Variants in SDR42E1 observed in about 807,000 individuals in gnomAD.
The protein encoded by SDR42E1 is short-chain dehydrogenase/reductase family 42E member 1.
A neutral mutation model predicts 2.6 loss-of-function variants in SDR42E1; 5 were observed. That is an observed-to-expected ratio of 1.94 (90% CI 1.01 to 4.08). SDR42E1 has a LOEUF of 4.08. Ranked by LOEUF, SDR42E1 falls within the 30% of genes most tolerant of loss-of-function variation. The pLI, the probability that SDR42E1 is intolerant of heterozygous loss-of-function variation, is 0.00. For missense variants in SDR42E1, 596 were observed against 478.6 expected, an observed-to-expected ratio of 1.25 and a Z score of -2.29; for synonymous variants, 231 against 188.3, an observed-to-expected ratio of 1.23 and a Z score of -1.86.
At chr16:82,009,597 A>T (rs4399528) in intron 1 of SDR42E1, among the ~76,000 whole-genome samples, 9,411 of 152,208 alleles carry the variant, frequency 0.062, 929 homozygotes, top group African/African-American at 0.21. Flanking sequence ...GAGTATACTT[A>T]CCCAATACCT....
rs1333158489 is a variant in SDR42E1 at position 81,997,076 on chromosome 16, A to C, written c.*2035T>G. 2.0e-5 allele frequency: 3 copies of C among 152,194 alleles called. No homozygotes were observed. The highest frequency in any genetic ancestry group is 2.9e-5 in the Non-Finnish European group (2 of 68,038). 9.4% of individuals were successfully genotyped at this position (152,194 alleles called of 1,614,324 possible). ...AAGCTCACAGTGGAGAACTTACCTC[A>C]GAGATTTGTGGGTGTGGCTTTTGTG... On this transcript the variant is annotated 3_prime_UTR_variant, in exon 3 of 3. Coordinates refer to ENST00000328945, the MANE Select transcript of SDR42E1 (RefSeq NM_145168.3).
In SDR42E1 at chr16:81,999,995, C is replaced by T. The variant is rs201424944; in HGVS notation, c.298G>A (p.Val100Ile). 9.5e-5 allele frequency: 153 copies of T among 1,614,078 alleles called. 1 individual carries two copies. Among genetic ancestry groups the T allele is most frequent in the East Asian group, 1.8e-4 (8 of 44,888 alleles). The change falls in exon 3 of 3, where the codon GTC becomes ATC. Residue 100 changes from valine (V) to isoleucine (I), a missense_variant. Physicochemically the swap from Val to Ile is conservative, Grantham distance 29. Coordinates refer to ENST00000328945, the MANE Select transcript of SDR42E1 (RefSeq NM_145168.3). Reference sequence around the variant, plus strand: ...TGGAGGATGTTGTCTGTGCCCCTGACGTTGACTTCTTTGATCAGGTTTCGA... The same window carrying T: ...TGGAGGATGTTGTCTGTGCCCCTGATGTTGACTTCTTTGATCAGGTTTCGA... Reference protein sequence around the residue: ...LNRNLIKEVNVRGTDNILQVC... With the variant: ...LNRNLIKEVNIRGTDNILQVC...
chr16:81,993,330 C>T lies in SDR42E1; in HGVS notation c.*5781G>A, dbSNP rs974190656. 1 of 152,122 alleles carries T rather than the reference C, an allele frequency of 6.6e-6. No homozygotes were observed. Among genetic ancestry groups the T allele is most frequent in the Non-Finnish European group, 1.5e-5 (1 of 68,054 alleles). 9.4% of individuals were successfully genotyped at this position (152,122 alleles called of 1,614,324 possible). Reference sequence around the variant, plus strand: ...CCTCCTTGTTGAAAGATAAGAAACACCTAGAGTGCAGATTACCAACCAACA... The same window carrying T: ...CCTCCTTGTTGAAAGATAAGAAACATCTAGAGTGCAGATTACCAACCAACA... On this transcript the variant is annotated 3_prime_UTR_variant, in exon 3 of 3. Transcript: ENST00000328945.
Position 82,004,193 on chromosome 16 carries a change from A to C in SDR42E1, c.-26-3309T>G, listed in dbSNP as rs915144042. ...TTGGTATAAACAAAGTGTGGTGGGA[A>C]ACCAAGGTGAGGGGTGGGGAGACTG... On this transcript the variant is annotated intron_variant, in intron 1 of 2. Transcript: ENST00000328945. Among the ~76,000 whole-genome samples, 3 of 152,222 alleles carry C rather than the reference A, an allele frequency of 2.0e-5. No individual in the cohort carries two copies. In the East Asian group the frequency reaches 5.8e-4, roughly 29 times the overall value.
At position 81,999,082 on chromosome 16, in the gene SDR42E1, C is replaced by G; in HGVS notation, c.*29G>C. On this transcript the variant is annotated 3_prime_UTR_variant, in exon 3 of 3. Coordinates refer to ENST00000328945, the MANE Select transcript of SDR42E1 (RefSeq NM_145168.3). ...GTTTCTTGAGAACCATCTCAGCCAACTGTGATCACCTTATTTCTGGCCCCT... is the reference window on the plus strand; with the variant it reads ...GTTTCTTGAGAACCATCTCAGCCAAGTGTGATCACCTTATTTCTGGCCCCT... The G allele has an allele frequency of 3.1e-6, 5 of 1,596,378 alleles. No individual in the cohort carries two copies. The highest frequency in any genetic ancestry group is 4.3e-6 in the Non-Finnish European group (5 of 1,172,476).
Position 81,999,721 on chromosome 16 carries a change from G to C in SDR42E1, c.572C>G (p.Pro191Arg). The change falls in exon 3 of 3, where the codon CCT (proline) becomes CGT (arginine). Residue 191 changes from proline to arginine, a missense_variant. Physicochemically the swap from Pro to Arg is moderately radical, Grantham distance 103. Transcript: ENST00000328945. Reference sequence around the variant, plus strand: ...CCTGGGAAGGTGTCTTTGTTCTCCAGGCCCATAGATGCCAGCTGGCCTCAG... The same window carrying C: ...CCTGGGAAGGTGTCTTTGTTCTCCACGCCCATAGATGCCAGCTGGCCTCAG... ...CALRPAGIYG[P>R]GEQRHLPRIV... 6.2e-7 allele frequency: 1 copy of C among 1,614,212 alleles called. No homozygotes were observed.
intron 1 of SDR42E1, among the ~76,000 whole-genome samples, chr16:82,005,805 A>C (rs908152073): frequency 6.6e-6 from 1 of 152,196 alleles, no homozygotes; most frequent in African/African-American, 2.4e-5. Context: ...GATACAGGTT[A>C]AAGTTAAGCA....
At position 81,998,478 on chromosome 16, in the gene SDR42E1, T is replaced by A. The variant is rs1912605183; in HGVS notation, c.*633A>T. 1 of 152,688 alleles carries A rather than the reference T, an allele frequency of 6.5e-6. No homozygotes were observed. The highest frequency in any genetic ancestry group is 2.4e-5 in the African/African-American group (1 of 41,468). The allele number at this position is 152,688 out of a possible 1,614,324, so 9.5% of individuals were successfully genotyped here. A position where few individuals can be genotyped will look rare whatever the true frequency, so the allele number is the denominator to read the frequency against. ...TATGTGTGTTGAGGAGCGCTTTGTA[T>A]GCTTGAATTTAATCCTCAAAAGAAT... On this transcript the variant is annotated 3_prime_UTR_variant, in exon 3 of 3. Transcript: ENST00000328945.
chr16:82,007,588 G>A (rs1336582789), intron 1 of SDR42E1: 1 of 152,188 alleles, frequency 6.6e-6, no homozygotes, highest in East Asian at 1.9e-4. Context: ...TCATCTTAAC[G>A]CAGCAGCACT....
At position 81,992,492 on chromosome 16, in the gene SDR42E1, A is replaced by G. The variant is rs982723582; in HGVS notation, c.*6619T>C. 10 of 152,168 alleles carry G rather than the reference A, an allele frequency of 6.6e-5. No individual in the cohort carries two copies. Among genetic ancestry groups the G allele is most frequent in the South Asian group, 2.1e-4 (1 of 4,824 alleles). The allele number at this position is 152,168 out of a possible 1,614,324, so 9.4% of individuals were successfully genotyped here. ...GCAAAAGACGACTCATTCTTATAAC[A>G]TATATACATATGTTAAAATATATAT... On this transcript the variant is annotated 3_prime_UTR_variant, in exon 3 of 3. Transcript: ENST00000328945.
chr16:82,010,119 C>T (rs977129993), intron 1 of SDR42E1, among the ~76,000 whole-genome samples: 25 of 152,214 alleles, frequency 1.6e-4, no homozygotes, highest in African/African-American at 5.3e-4. Context: ...GTCCATCAAA[C>T]CTCTTAACTT....
At chr16:82,010,987 A>G (rs1913106857) in intron 1 of SDR42E1, among the ~76,000 whole-genome samples, 1 of 152,216 alleles carries the variant, frequency 6.6e-6, no homozygotes, top group East Asian at 1.9e-4. Context: ...TGCAGTTTAA[A>G]TGGGAACCTG....
Position 81,995,659 on chromosome 16 carries a change from A to C in SDR42E1, c.*3452T>G, listed in dbSNP as rs561579811. 3 of 152,348 alleles carry C rather than the reference A, an allele frequency of 2.0e-5. No homozygotes were observed. In the South Asian group the frequency reaches 6.2e-4, roughly 32 times the overall value. 9.4% of individuals were successfully genotyped at this position (152,348 alleles called of 1,614,324 possible). ...CCCCAGTCTCCAAAAGATTAGAAACAGTGAGTTATCTGTGTGCTAGAAAAG... is the reference window on the plus strand; with the variant it reads ...CCCCAGTCTCCAAAAGATTAGAAACCGTGAGTTATCTGTGTGCTAGAAAAG... On this transcript the variant is annotated 3_prime_UTR_variant, in exon 3 of 3. Coordinates refer to ENST00000328945, the MANE Select transcript of SDR42E1 (RefSeq NM_145168.3).
At position 81,999,749 on chromosome 16, in the gene SDR42E1, C is replaced by A; in HGVS notation, c.544G>T (p.Ala182Ser). 2 of 1,614,164 alleles carry A rather than the reference C, an allele frequency of 1.2e-6. No individual in the cohort carries two copies. The highest frequency in any genetic ancestry group is 1.1e-5 in the South Asian group (1 of 91,074). The change falls in exon 3 of 3, where the codon GCT becomes TCT. Residue 182 changes from alanine to serine, a missense_variant. Physicochemically the swap from Ala to Ser is moderately conservative, Grantham distance 99. Coordinates refer to ENST00000328945, the MANE Select transcript of SDR42E1 (RefSeq NM_145168.3). Reference sequence around the variant, plus strand: ...CCATAGATGCCAGCTGGCCTCAGAGCGCAGGTTCTTAAGACACCGTCGCCT... The same window carrying A: ...CCATAGATGCCAGCTGGCCTCAGAGAGCAGGTTCTTAAGACACCGTCGCCT... ...DRGDGVLRTC[A>S]LRPAGIYGPG...
In SDR42E1 at chr16:81,991,040, G is replaced by A. The variant is rs891709185; in HGVS notation, c.*8071C>T. Reference sequence around the variant, plus strand: ...CAGCAGCGAATAATACTTGGGCTCTGCTCTCAAGATACTGATTTAGAGGAG... The same window carrying A: ...CAGCAGCGAATAATACTTGGGCTCTACTCTCAAGATACTGATTTAGAGGAG... On this transcript the variant is annotated 3_prime_UTR_variant, in exon 3 of 3. Coordinates refer to ENST00000328945, the MANE Select transcript of SDR42E1 (RefSeq NM_145168.3). 1 of 152,194 alleles carries A rather than the reference G, an allele frequency of 6.6e-6. No individual in the cohort carries two copies. The highest frequency in any genetic ancestry group is 2.4e-5 in the African/African-American group (1 of 41,442). The allele number at this position is 152,194 out of a possible 1,614,324, so 9.4% of individuals were successfully genotyped here.
intron 1 of SDR42E1, among the ~76,000 whole-genome samples, chr16:82,008,540 G>C (rs1252933007): frequency 2.0e-5 from 3 of 152,206 alleles, no homozygotes; most frequent in Admixed American, 1.3e-4. Context: ...TGGAGCAAAA[G>C]TGACTCGTTA....
intron 1 of SDR42E1, among the ~76,000 whole-genome samples, chr16:82,009,283 T>G (rs1567567884): frequency 6.6e-6 from 1 of 152,128 alleles, no homozygotes; most frequent in Non-Finnish European, 1.5e-5. Context: ...AGAAGAGAGC[T>G]ACCATCCTCC....
chr16:81,999,767 C>T lies in SDR42E1; in HGVS notation c.526G>A (p.Gly176Ser), dbSNP rs1392844008. The T allele has an allele frequency of 5.0e-6, 8 of 1,614,052 alleles. No individual in the cohort carries two copies. The highest frequency in any genetic ancestry group is 1.7e-5 in the Admixed American group (1 of 59,998). ...CTCAGAGCGCAGGTTCTTAAGACAC[C>T]GTCGCCTCTGTCCAGGGGTGTAGCA... is the stretch of plus-strand genomic sequence containing the variant. Reference protein sequence around the residue: ...ANATPLDRGDGVLRTCALRPA... With the variant: ...ANATPLDRGDSVLRTCALRPA... Residue 176 changes from glycine (G) to serine (S), a missense_variant, in exon 3 of 3, where the codon GGT (glycine) becomes AGT (serine). Coordinates refer to ENST00000328945, the MANE Select transcript of SDR42E1 (RefSeq NM_145168.3).
chr16:82,005,030 T>A (rs886325560), intron 1 of SDR42E1, among the ~76,000 whole-genome samples: 1 of 152,248 alleles, frequency 6.6e-6, no homozygotes, highest in Non-Finnish European at 1.5e-5. Flanking sequence ...CTTCTTAATA[T>A]CTCTGTAAGA....
Sources: gnomAD v4.1 joint callset for allele counts (sites outside exome capture counted in the v4.1 genomes callset) on GRCh38, gnomAD v4.1.1 for gene constraint, MANE v1.5 for transcripts, NCBI Gene and HGNC (gene_info 2026-07-23, HGNC 2026-07-21) for gene names.